Variants in SPHKAP observed in about 807,000 individuals in gnomAD.
SPHKAP encodes SPHK1 interactor, AKAP domain containing.
In SPHKAP, 67 loss-of-function variants were observed where a neutral mutation model predicts 137.5. The ratio of observed to expected loss-of-function variants is 0.49; its 90% CI spans 0.40 to 0.60. The LOEUF is 0.60. SPHKAP is among the 20% of genes least tolerant of loss of function. The pLI is 0.00. For synonymous variants in SPHKAP, 813 were observed against 785.3 expected (o/e 1.04, Z -0.59); for missense variants, 2,097 against 2,069.3 (o/e 1.01, Z -0.26).
Position 228,075,456 on chromosome 2 carries a change from T to C in SPHKAP, c.246+33376A>G, listed in dbSNP as rs1033071978. 2.6e-5 allele frequency among the ~76,000 whole-genome samples: 4 copies of C among 152,174 alleles called. No individual in the cohort carries two copies. In the South Asian group the frequency reaches 6.2e-4, roughly 24 times the overall value. On this transcript the variant is annotated intron_variant, in intron 3 of 11. Transcript: ENST00000392056. Reference sequence around the variant, plus strand: ...TCAAAGGCTGACCAGTGTTTGGTCCTTTCTCAGCATTGCAAACCATGCATC... The same window carrying C: ...TCAAAGGCTGACCAGTGTTTGGTCCCTTCTCAGCATTGCAAACCATGCATC...
At chr2:227,995,855 G>A in intron 7 of SPHKAP, 161 bp from the exon 8 acceptor site, 1 of 895,394 alleles carries the variant, frequency 1.1e-6, no homozygotes, top group Non-Finnish European at 1.3e-6. Context: ...GGTCCCATTT[G>A]CCTTTTCAGG....
intron 3 of SPHKAP, among the ~76,000 whole-genome samples, chr2:228,095,528 G>A (rs1364174133): frequency 6.6e-6 from 1 of 152,108 alleles, no homozygotes; most frequent in Non-Finnish European, 1.5e-5. Flanking sequence ...GTTCTACCAA[G>A]AGCTAAGTAA....
intron 1 of SPHKAP, among the ~76,000 whole-genome samples, chr2:228,174,567 G>A (rs189708032): frequency 1.7e-4 from 26 of 152,196 alleles, no homozygotes; most frequent in African/African-American, 5.1e-4. Flanking sequence ...TTCGTTCCTC[G>A]TCTTTAACAT....
rs953392398 is a variant in SPHKAP, at chr2:228,108,706, A to G, written c.246+126T>C. 23 of 648,386 alleles carry G rather than the reference A, an allele frequency of 3.5e-5. 1 individual carries two copies. The highest frequency in any genetic ancestry group is 3.3e-4 in the South Asian group (17 of 51,996). The allele number at this position is 648,386 out of a possible 1,614,324, so 40.2% of individuals were successfully genotyped here. A position where few individuals can be genotyped will look rare whatever the true frequency, so the allele number is the denominator to read the frequency against. Reference sequence around the variant, plus strand: ...AACTGTCCATATAAACCCGCTATGTATTTTCAAAGGAATATTTTCTCAACT... The same window carrying G: ...AACTGTCCATATAAACCCGCTATGTGTTTTCAAAGGAATATTTTCTCAACT... On this transcript the variant is annotated intron_variant, in intron 3 of 11. Transcript: ENST00000392056.
At chr2:228,039,441 T>A (rs201506540) in intron 3 of SPHKAP, among the ~76,000 whole-genome samples, 5 of 137,522 alleles carry the variant, frequency 3.6e-5, no homozygotes, top group African/African-American at 1.4e-4. Context: ...AAATACACAG[T>A]TTTTTTTAGT....
intron 1 of SPHKAP, chr2:228,132,598 T>C: frequency 3.6e-6 from 2 of 554,834 alleles, no homozygotes; most frequent in Non-Finnish European, 4.6e-6. Flanking sequence ...AGATAGCTCC[T>C]CAAATTCTCT....
chr2:228,109,453 A>T, intron 2 of SPHKAP: 2 of 820,848 alleles, frequency 2.4e-6, no homozygotes, highest in South Asian at 5.6e-5. Flanking sequence ...AAGTTGTTAG[A>T]AATAACTTAT....
intron 1 of SPHKAP, among the ~76,000 whole-genome samples, chr2:228,163,607 G>C (rs1463342302): frequency 6.6e-6 from 1 of 152,102 alleles, no homozygotes; most frequent in African/African-American, 2.4e-5. Flanking sequence ...GGTCAACATG[G>C]GTGTTTGCAG....
At chr2:228,141,636 A>G (rs1699609500) in intron 1 of SPHKAP, among the ~76,000 whole-genome samples, 2 of 149,636 alleles carry the variant, frequency 1.3e-5, no homozygotes, top group Admixed American at 1.3e-4. Flanking sequence ...GAAGAATAAC[A>G]AAGGCTTTTT....
chr2:228,000,994 T>C (rs1693835419), intron 7 of SPHKAP, among the ~76,000 whole-genome samples: 1 of 152,162 alleles, frequency 6.6e-6, no homozygotes, highest in Non-Finnish European at 1.5e-5. Flanking sequence ...CTCCATTCTG[T>C]ATTCCAATCA....
intron 1 of SPHKAP, among the ~76,000 whole-genome samples, chr2:228,178,079 T>C (rs1023219283): frequency 1.3e-5 from 2 of 152,222 alleles, no homozygotes; most frequent in African/African-American, 4.8e-5. Context: ...CTTTAAAAGA[T>C]GGTCTCCTTG....
chr2:228,027,735 A>T (rs1435851789), intron 3 of SPHKAP, among the ~76,000 whole-genome samples, 192 bp from the exon 4 acceptor site: 3 of 152,136 alleles, frequency 2.0e-5, no homozygotes, highest in African/African-American at 4.8e-5. Flanking sequence ...TAGGAGGCCA[A>T]GGCGGGCAGA....
chr2:228,049,111 G>A (rs1489848003), intron 3 of SPHKAP, among the ~76,000 whole-genome samples: 2 of 152,042 alleles, frequency 1.3e-5, no homozygotes, highest in African/African-American at 4.8e-5. Flanking sequence ...CCCATAAAAT[G>A]GGGAAAACAA....
At chr2:228,174,638 T>C (rs1457267288) in intron 1 of SPHKAP, among the ~76,000 whole-genome samples, 1 of 152,168 alleles carries the variant, frequency 6.6e-6, no homozygotes, top group African/African-American at 2.4e-5. Flanking sequence ...CACAAGATTT[T>C]TGGCTTTCAA....
chr2:228,008,874 T>C (rs1484474464), intron 7 of SPHKAP, among the ~76,000 whole-genome samples: 1 of 152,204 alleles, frequency 6.6e-6, no homozygotes, highest in Non-Finnish European at 1.5e-5. Context: ...TTGACTACTA[T>C]AGCTGTAGAG....
At chr2:228,015,011 C>CT (rs1158775806) in intron 7 of SPHKAP, among the ~76,000 whole-genome samples, 1 of 151,740 alleles carries the variant, frequency 6.6e-6, no homozygotes, top group African/African-American at 2.4e-5. Flanking sequence ...TGCTGGTGTG[C>CT]TGCACCCATT....
chr2:228,073,053 C>T (rs114522762), intron 3 of SPHKAP, among the ~76,000 whole-genome samples: 1 of 152,330 alleles, frequency 6.6e-6, no homozygotes, highest in African/African-American at 2.4e-5. Flanking sequence ...GTTGTTCAGC[C>T]ATACTAACTG....
chr2:228,172,036 T>TA (rs138459705), intron 1 of SPHKAP, among the ~76,000 whole-genome samples: 20,452 of 152,088 alleles, frequency 0.13, 1,376 homozygotes, highest in East Asian at 0.2. Context: ...TTGGATTTTG[T>TA]GAAAAAATCT....
At chr2:228,027,971 AAAAAAG>A (rs1248838743) in intron 3 of SPHKAP, 29 of 973,602 alleles carry the variant, frequency 3.0e-5, no homozygotes, top group Admixed American at 6.2e-5. Context: ...AAAAAAAAAA[AAAAAAG>A]AAAAAAGAAA....
Sources: gnomAD v4.1 joint callset for allele counts (sites outside exome capture counted in the v4.1 genomes callset) on GRCh38, gnomAD v4.1.1 for gene constraint, MANE v1.5 for transcripts, NCBI Gene and HGNC (gene_info 2026-07-23, HGNC 2026-07-21) for gene names.